Variants in KANK1 observed in about 807,000 individuals in gnomAD.
KANK1 encodes KN motif and ankyrin repeat domain-containing protein 1.
Under a neutral mutation model 106.2 loss-of-function variants are expected in KANK1, and 109 were observed. That is an observed-to-expected ratio of 1.03 (90% CI 0.88 to 1.20). The LOEUF (loss-of-function observed/expected upper bound fraction) is 1.20. Ranked by LOEUF, KANK1 falls within the 50% of genes most tolerant of loss-of-function variation. The pLI is 0.00. For synonymous variants in KANK1, 873 were observed against 652.2 expected (o/e 1.34, Z -5.16); for missense variants, 2,399 against 1,710.7 (o/e 1.40, Z -7.10).
At chr9:543,768 T>A (rs1010309807) in intron 1 of KANK1, among the ~76,000 whole-genome samples, 5 of 152,114 alleles carry the variant, frequency 3.3e-5, no homozygotes, top group African/African-American at 9.7e-5. Flanking sequence ...TCTAATTGAT[T>A]TAAAAAAGTA....
intron 2 of KANK1, chr9:693,591 A>T (rs1820505823): frequency 2.0e-6 from 2 of 985,254 alleles, no homozygotes; most frequent in African/African-American, 3.5e-5. Context: ...TGACGCCAAG[A>T]GTCCTGGAAT....
chr9:673,232 A>G (rs1815619517), intron 1 of KANK1, among the ~76,000 whole-genome samples: 1 of 115,344 alleles, frequency 8.7e-6, no homozygotes, highest in Admixed American at 1.0e-4. Flanking sequence ...TTTTTGAGAC[A>G]GGGTCTCTCA....
chr9:711,657 G>GA lies in KANK1; in HGVS notation c.895dup (p.Arg299LysfsTer27). 1 of 1,614,206 alleles carries GA rather than the reference G, an allele frequency of 6.2e-7. No homozygotes were observed. Among genetic ancestry groups the GA allele is most frequent in the Non-Finnish European group, 8.5e-7 (1 of 1,180,044 alleles). On this transcript the variant is annotated frameshift_variant, in exon 3 of 12. Coordinates refer to ENST00000382297, the MANE Select transcript of KANK1 (RefSeq NM_015158.5). LOFTEE classifies it high-confidence loss of function. ...TAAAGATCTCTGTCTTGCAAGAAGA[G>GA]AAAAGGCAGTTGGTCTCACAGCTGA...
At chr9:600,604 G>C (rs1331047924) in intron 1 of KANK1, among the ~76,000 whole-genome samples, 1 of 151,812 alleles carries the variant, frequency 6.6e-6, no homozygotes, top group African/African-American at 2.4e-5. Flanking sequence ...CTTCATATTA[G>C]TAGGTGAGGA....
chr9:513,056 C>G (rs1481384593), intron 1 of KANK1, among the ~76,000 whole-genome samples: 1 of 152,162 alleles, frequency 6.6e-6, no homozygotes, highest in Non-Finnish European at 1.5e-5. Flanking sequence ...ATGGTTGAGG[C>G]TTGACAATGA....
intron 1 of KANK1, among the ~76,000 whole-genome samples, chr9:528,914 C>G (rs941416090): frequency 1.3e-5 from 2 of 152,088 alleles, no homozygotes; most frequent in Admixed American, 6.6e-5. Context: ...ATCATCCCAC[C>G]TCAGCCTCCC....
intron 1 of KANK1, among the ~76,000 whole-genome samples, chr9:657,730 G>A (rs911679953): frequency 6.6e-6 from 1 of 152,138 alleles, no homozygotes; most frequent in East Asian, 1.9e-4. Context: ...ATTTAACATT[G>A]TGAGAGCTTT....
intron 1 of KANK1, among the ~76,000 whole-genome samples, chr9:655,215 C>T (rs967026175): frequency 1.3e-5 from 2 of 152,070 alleles, no homozygotes; most frequent in African/African-American, 2.4e-5. Context: ...ACTAAAAATA[C>T]AAGAAATTAG....
intron 2 of KANK1, among the ~76,000 whole-genome samples, chr9:679,210 T>A (rs376090870): frequency 7.2e-5 from 11 of 152,194 alleles, no homozygotes; most frequent in African/African-American, 2.2e-4. Flanking sequence ...AGGGGAAGAT[T>A]TTTTACTTAT....
rs1456595802 is a variant in KANK1, at chr9:698,927, C to T, written c.38-11877C>T. Among the ~76,000 whole-genome samples the T allele has an allele frequency of 4.6e-5, 7 of 152,294 alleles. No homozygotes were observed. In the South Asian group the frequency reaches 1.2e-3, roughly 27 times the overall value. On this transcript the variant is annotated intron_variant, in intron 2 of 11. Transcript: ENST00000382297. ...AAAACCCTTCAATAGCTTACCAATG[C>T]ATCTATGATGCAAAAACTTGATCCC...
At position 683,190 on chromosome 9, in the gene KANK1, T is replaced by C. The variant is rs529280722; in HGVS notation, c.37+6181T>C. 1.6e-3 allele frequency among the ~76,000 whole-genome samples: 250 copies of C among 152,296 alleles called. 2 individuals are homozygous for C. The highest frequency in any genetic ancestry group is 5.8e-3 in the African/African-American group (240 of 41,556). ...CAGAGAGTTTGCTGATTAGAAACTA[T>C]GGCTGCTTTAATTCATGGGTACCCT... On this transcript the variant is annotated intron_variant, in intron 2 of 11. Transcript: ENST00000382297.
At chr9:512,509 T>C (rs897947492) in intron 1 of KANK1, among the ~76,000 whole-genome samples, 3 of 152,112 alleles carry the variant, frequency 2.0e-5, no homozygotes, top group Non-Finnish European at 4.4e-5. Context: ...TTACCTGATT[T>C]AAATGTGAAT....
At chr9:585,125 C>T (rs990433318) in intron 1 of KANK1, among the ~76,000 whole-genome samples, 1 of 152,166 alleles carries the variant, frequency 6.6e-6, no homozygotes, top group Admixed American at 6.5e-5. Flanking sequence ...CCTCTGTAAC[C>T]ACTCAGTGTC....
intron 1 of KANK1, among the ~76,000 whole-genome samples, chr9:604,781 G>A (rs1828673404): frequency 6.6e-6 from 1 of 151,896 alleles, no homozygotes; most frequent in African/African-American, 2.4e-5. Flanking sequence ...AGTGAGCCAA[G>A]ATTGTGCCAC....
chr9:528,989 G>A (rs143418544), intron 1 of KANK1, among the ~76,000 whole-genome samples: 62 of 151,756 alleles, frequency 4.1e-4, no homozygotes, highest in African/African-American at 1.5e-3. Context: ...TGTAGAGATA[G>A]GGTCTCACTA....
In KANK1 at chr9:693,011, CT is replaced by C. The variant is rs879412075; in HGVS notation, c.37+16015del. On this transcript the variant is annotated intron_variant, in intron 2 of 11. Coordinates refer to ENST00000382297, the MANE Select transcript of KANK1 (RefSeq NM_015158.5). ...AGTGATACACTATCTCAAAAAAGAACTTTTTTTTTTTTTAGGTAATGAATTT... is the reference window on the plus strand; with the variant it reads ...AGTGATACACTATCTCAAAAAAGAACTTTTTTTTTTTTAGGTAATGAATTT... 1.5e-3 allele frequency among the ~76,000 whole-genome samples: 228 copies of C among 148,014 alleles called. 1 individual carries two copies. The highest frequency in any genetic ancestry group is 8.7e-3 in the East Asian group (44 of 5,060).
At chr9:567,817 C>G (rs1818182308) in intron 1 of KANK1, among the ~76,000 whole-genome samples, 1 of 152,178 alleles carries the variant, frequency 6.6e-6, no homozygotes, top group African/African-American at 2.4e-5. Context: ...GAATTAGAGT[C>G]TCTCATTTGA....
intron 2 of KANK1, among the ~76,000 whole-genome samples, chr9:708,399 A>G (rs1177815126): frequency 6.6e-6 from 1 of 152,252 alleles, no homozygotes; most frequent in Non-Finnish European, 1.5e-5. Flanking sequence ...GTTTCCAGGC[A>G]CAGCCCTCCC....
At chr9:719,573 G>C (rs955720991) in intron 3 of KANK1, among the ~76,000 whole-genome samples, 1 of 152,098 alleles carries the variant, frequency 6.6e-6, no homozygotes, top group African/African-American at 2.4e-5. Context: ...TAGGTGAACA[G>C]AGCAACTTTT....
Sources: gnomAD v4.1 joint callset for allele counts (sites outside exome capture counted in the v4.1 genomes callset) on GRCh38, gnomAD v4.1.1 for gene constraint, MANE v1.5 for transcripts, NCBI Gene and HGNC (gene_info 2026-07-23, HGNC 2026-07-21) for gene names.